The following SPEF2 variants were observed in gnomAD, a reference collection of about 807,000 sequenced individuals.
SPEF2 encodes sperm flagellar and cilia associated 2.
Under a neutral mutation model 224.6 loss-of-function variants are expected in SPEF2, and 187 were observed. The observed-to-expected ratio is 0.83, with a 90% CI of 0.74 to 0.94. The LOEUF (loss-of-function observed/expected upper bound fraction) is 0.94, where lower values mean the gene tolerates loss of function less well. SPEF2 is among the 40% of genes least tolerant of loss of function. SPEF2 has a pLI of 0.00. For synonymous variants in SPEF2, 715 were observed against 707.3 expected (o/e 1.01, Z -0.17); for missense variants, 2,170 against 2,135.6 (o/e 1.02, Z -0.32).
chr5:35,701,211 A>C (rs981765459), intron 16 of SPEF2, among the ~76,000 whole-genome samples: 1 of 152,214 alleles, frequency 6.6e-6, no homozygotes, highest in African/African-American at 2.4e-5. Flanking sequence ...TGATGGGTGA[A>C]TCTTCCTACA....
chr5:35,787,854 GTTATT>G, intron 30 of SPEF2: 1 of 561,490 alleles, frequency 1.8e-6, no homozygotes, highest in East Asian at 2.8e-5. Context: ...ACAATGTGGA[GTTATT>G]TTAAAGGCAG....
At chr5:35,786,503 T>C (rs1381111809) in intron 30 of SPEF2, among the ~76,000 whole-genome samples, 1 of 151,546 alleles carries the variant, frequency 6.6e-6, no homozygotes, top group Non-Finnish European at 1.5e-5. Context: ...CTAATAAAAA[T>C]ACAAAAATTA....
At chr5:35,787,916 C>G (rs1385189280) in intron 30 of SPEF2, 3 of 611,120 alleles carry the variant, frequency 4.9e-6, no homozygotes, top group Middle Eastern at 2.7e-4. Context: ...GCAGAAAAGG[C>G]CGCAGAAGCT....
chr5:35,696,860 T>C (rs1278920927), intron 14 of SPEF2, among the ~76,000 whole-genome samples: 1 of 152,028 alleles, frequency 6.6e-6, no homozygotes, highest in Non-Finnish European at 1.5e-5. Flanking sequence ...CTTAAGCAGA[T>C]TGAAAGAGGT....
chr5:35,670,972 A>G (rs1369252200), intron 10 of SPEF2: 1 of 985,132 alleles, frequency 1.0e-6, no homozygotes, highest in Non-Finnish European at 1.2e-6. Context: ...TCACCATCCT[A>G]CTCTCCCCAT....
intron 2 of SPEF2, among the ~76,000 whole-genome samples, chr5:35,634,964 G>A (rs1232034518): frequency 6.6e-6 from 1 of 151,886 alleles, no homozygotes; most frequent in Non-Finnish European, 1.5e-5. Flanking sequence ...CTTCTTGAAT[G>A]TGATAGTTTC....
At chr5:35,728,389 A>G (rs1359179460) in intron 21 of SPEF2, among the ~76,000 whole-genome samples, 2 of 152,200 alleles carry the variant, frequency 1.3e-5, no homozygotes, top group African/African-American at 4.8e-5. Context: ...TACTATTTTT[A>G]GTTGGCTTGA....
chr5:35,709,064 A>C lies in SPEF2; in HGVS notation c.2782A>C (p.Ile928Leu). 1.9e-6 allele frequency: 3 copies of C among 1,613,966 alleles called. No homozygotes were observed. The highest frequency in any genetic ancestry group is 2.5e-6 in the Non-Finnish European group (3 of 1,179,974). The change falls in exon 19 of 37, where the codon ATT becomes CTT. Residue 928 changes from isoleucine (I) to leucine (L), a missense_variant. Transcript: ENST00000356031. Reference sequence around the variant, plus strand: ...TCCTGAACCAGAAAAAGAGAAGGAAATTCATCAAAGCCATGTGGCTTCAAA... The same window carrying C: ...TCCTGAACCAGAAAAAGAGAAGGAACTTCATCAAAGCCATGTGGCTTCAAA... Reference protein sequence around the residue: ...PPPEPEKEKEIHQSHVASKTP... With the variant: ...PPPEPEKEKELHQSHVASKTP...
intron 23 of SPEF2, among the ~76,000 whole-genome samples, chr5:35,751,042 T>TGTGTATATATAC (rs1749431661): frequency 3.2e-5 from 1 of 31,366 alleles, no homozygotes; most frequent in South Asian, 1.4e-3. Context: ...TATACACATA[T>TGTGTATATATAC]GTATATATAT....
At chr5:35,644,829 G>A (rs1747128048) in intron 4 of SPEF2, among the ~76,000 whole-genome samples, 2 of 152,090 alleles carry the variant, frequency 1.3e-5, no homozygotes, top group African/African-American at 4.8e-5. Context: ...AGTGATGGAG[G>A]GTTGCTATTA....
At chr5:35,689,264 A>AT (rs1754091731) in intron 10 of SPEF2, among the ~76,000 whole-genome samples, 1 of 152,118 alleles carries the variant, frequency 6.6e-6, no homozygotes, top group Non-Finnish European at 1.5e-5. Context: ...TACAGTTATA[A>AT]ATCCAAATTT....
At chr5:35,753,232 TGTTAATTA>T (rs1357723859) in intron 23 of SPEF2, among the ~76,000 whole-genome samples, 8 of 152,158 alleles carry the variant, frequency 5.3e-5, no homozygotes, top group Non-Finnish European at 7.3e-5. Context: ...TAATTAATTA[TGTTAATTA>T]ATACAGCTGC....
In SPEF2 at chr5:35,800,000, G is replaced by A. The variant is rs1358707940; in HGVS notation, c.4863G>A (p.Lys1621=). ...TTAGGCTATTTGCTGACTATGAGAA[G>A]GATCCACCCCAGCTTGACTACACAC... is the stretch of plus-strand genomic sequence containing the variant. ...FFFRLFADYE[K]DPPQLDYTQM... Residue 1621 remains lysine (K), a synonymous_variant, in exon 34 of 37, where the codon AAG becomes AAA. Transcript: ENST00000356031. 2 of 1,613,912 alleles carry A rather than the reference G, an allele frequency of 1.2e-6. No homozygotes were observed. The highest frequency in any genetic ancestry group is 1.7e-6 in the Non-Finnish European group (2 of 1,179,962).
chr5:35,665,085 G>T, intron 8 of SPEF2, among the ~76,000 whole-genome samples: 1 of 152,040 alleles, frequency 6.6e-6, no homozygotes, highest in East Asian at 1.9e-4. Flanking sequence ...TACTATGTTT[G>T]TTACAAGCAT....
At chr5:35,741,406 G>A (rs560496891) in intron 23 of SPEF2, among the ~76,000 whole-genome samples, 5 of 152,204 alleles carry the variant, frequency 3.3e-5, no homozygotes, top group Admixed American at 6.5e-5. Flanking sequence ...GGCACTGAAG[G>A]GGGAGGACAC....
At chr5:35,646,905 G>T (rs1747453801) in intron 5 of SPEF2, 98 bp downstream of exon 5, 2 of 1,324,674 alleles carry the variant, frequency 1.5e-6, no homozygotes, top group Non-Finnish European at 2.1e-6. Context: ...CTTCACATTT[G>T]CTTTCCAAAT....
chr5:35,738,570 C>T (rs1436513406), intron 21 of SPEF2, among the ~76,000 whole-genome samples: 1 of 148,060 alleles, frequency 6.8e-6, no homozygotes, highest in East Asian at 2.1e-4. Context: ...CAAGTTTTGA[C>T]AAACTTGTTA....
chr5:35,777,802 CCACTAGGT>C (rs539500057), intron 29 of SPEF2, among the ~76,000 whole-genome samples: 1 of 152,230 alleles, frequency 6.6e-6, no homozygotes, highest in Admixed American at 6.6e-5. Context: ...TAGTAACCTT[CCACTAGGT>C]GGCGCGCATC....
chr5:35,675,330 G>A (rs1204061529), intron 10 of SPEF2, among the ~76,000 whole-genome samples: 3 of 152,170 alleles, frequency 2.0e-5, no homozygotes, highest in Non-Finnish European at 2.9e-5. Flanking sequence ...ATAGAAAGGA[G>A]CTGGGAAGGA....
Sources: allele counts gnomAD v4.1 joint callset (sites outside exome capture counted in the v4.1 genomes callset), GRCh38; gene constraint gnomAD v4.1.1; transcripts MANE v1.5; gene names NCBI Gene and HGNC (gene_info 2026-07-23, HGNC 2026-07-21).